CADM4: variants seen among roughly 807,000 people sequenced by gnomAD.
CADM4 encodes the protein TSLC1-like 2.
In CADM4, 13 loss-of-function variants were observed where a neutral mutation model predicts 43.9. The observed-to-expected ratio is 0.30, with a 90% CI of 0.19 to 0.47. The LOEUF (loss-of-function observed/expected upper bound fraction) is 0.47. Ranked by LOEUF, CADM4 falls within the 20% of genes least tolerant of loss-of-function variation. CADM4 has a pLI of 1.00. For synonymous variants in CADM4, 209 were observed against 220.9 expected, an observed-to-expected ratio of 0.95 and a Z score of 0.48; for missense variants, 420 against 527.0, an observed-to-expected ratio of 0.80 and a Z score of 1.99.
At chr19:43,628,234 G>A (rs1172806666) in intron 1 of CADM4, among the ~76,000 whole-genome samples, 1 of 149,202 alleles carries the variant, frequency 6.7e-6, no homozygotes, top group Non-Finnish European at 1.5e-5. Flanking sequence ...GACCATCCTG[G>A]CCAACATGGT....
Position 43,626,739 on chromosome 19 carries a change from G to A in CADM4, c.499+45C>T. ...TCCACATATAAACAACCTCTCCTAA[G>A]TCCCACCTCCTCCCCATCCCTTGTC... On this transcript the variant is annotated intron_variant, in intron 4 of 8. Coordinates refer to ENST00000222374, the MANE Select transcript of CADM4 (RefSeq NM_145296.2). The surrounding 1 kb of genome is among the most constrained non-coding windows in gnomAD (Gnocchi z 5.9). 1.3e-6 allele frequency: 2 copies of A among 1,522,896 alleles called. No individual in the cohort carries two copies. The highest frequency in any genetic ancestry group is 1.8e-6 in the Non-Finnish European group (2 of 1,132,766). 94.3% of individuals were successfully genotyped at this position (1,522,896 alleles called of 1,614,324 possible).
At chr19:43,635,137 G>C (rs1600101734) in intron 1 of CADM4, among the ~76,000 whole-genome samples, 1 of 151,750 alleles carries the variant, frequency 6.6e-6, no homozygotes, top group African/African-American at 2.4e-5. Flanking sequence ...AGACTAAGCA[G>C]GGTGGGGGGA....
chr19:43,627,778 T>C lies in CADM4; in HGVS notation c.77A>G (p.Glu26Gly). ...AAAAGPGAGQ[E>G]VQTENVTVAE... The stretch of plus-strand genomic sequence containing the variant: ...CACTGTCACGTTCTCTGTCTGTACT[T>C]CCTGTCCTGCCCCTGGACGATTAGA... Residue 26 changes from glutamate to glycine, a missense_variant, in exon 2 of 9, where the codon GAA (glutamate) becomes GGA (glycine). By Grantham distance (98) the Glu-to-Gly change is moderately conservative. Transcript: ENST00000222374. This position sits in a 1 kb window ranked among gnomAD's most constrained non-coding sequence, Gnocchi z 4.0. The C allele has an allele frequency of 6.2e-7, 1 of 1,612,818 alleles. No homozygotes were observed.
In CADM4 at chr19:43,627,707, C is replaced by G; in HGVS notation, c.148G>C (p.Asp50His). Residue 50 changes from aspartate (D) to histidine (H), a missense_variant, in exon 2 of 9, where the codon GAT becomes CAT. Asp to His is a moderately conservative substitution (Grantham distance 81). Transcript: ENST00000222374. This position sits in a 1 kb window ranked among gnomAD's most constrained non-coding sequence, Gnocchi z 4.0. Reference protein sequence around the residue: ...AEITCRLHQYDGSIVVIQNPA... With the variant: ...AEITCRLHQYHGSIVVIQNPA... ...TTCTGGATGACAACTATGGACCCAT[C>G]ATACTGGTGCAGACGGCAGGTGATC... 7 of 1,614,158 alleles carry G rather than the reference C, an allele frequency of 4.3e-6. No individual in the cohort carries two copies. The highest frequency in any genetic ancestry group is 5.9e-6 in the Non-Finnish European group (7 of 1,180,014).
chr19:43,633,711 C>T (rs1439249513), intron 1 of CADM4, among the ~76,000 whole-genome samples: 4 of 121,074 alleles, frequency 3.3e-5, no homozygotes, highest in African/African-American at 1.3e-4. Flanking sequence ...GATAAGGTCT[C>T]GCTCTGTCAC....
Position 43,625,090 on chromosome 19 carries a change from G to A in CADM4, c.916C>T (p.Leu306Phe). Residue 306 changes from leucine to phenylalanine, a missense_variant, in exon 7 of 9, where the codon CTT becomes TTT. By Grantham distance (22) the Leu-to-Phe change is conservative. Transcript: ENST00000222374. The surrounding 1 kb of genome is among the most constrained non-coding windows in gnomAD (Gnocchi z 4.5). ...KHGHARALYV[L>F]VVYDPGAVVE... ...AGCCTGCTCTCACCGTAGACCACAA[G>A]TACGTAGAGCGCCCTCGCATGGCCG... The A allele has an allele frequency of 7.2e-7, 1 of 1,389,086 alleles. No individual in the cohort carries two copies. Among genetic ancestry groups the A allele is most frequent in the Non-Finnish European group, 9.6e-7 (1 of 1,039,740 alleles). 86.0% of individuals were successfully genotyped at this position (1,389,086 alleles called of 1,614,324 possible).
chr19:43,639,510 G>A (rs1040043139), intron 1 of CADM4, among the ~76,000 whole-genome samples: 2 of 150,754 alleles, frequency 1.3e-5, no homozygotes, highest in African/African-American at 2.4e-5. Flanking sequence ...TCCAGCCTGC[G>A]CGGGTGGGGG....
intron 1 of CADM4, among the ~76,000 whole-genome samples, chr19:43,634,901 C>T (rs1441158704): frequency 6.6e-6 from 1 of 151,848 alleles, no homozygotes; most frequent in Non-Finnish European, 1.5e-5. Context: ...GGAATTCAGC[C>T]CCCAACCACC....
In CADM4 at chr19:43,625,423, A is replaced by C. The variant is rs1973507969; in HGVS notation, c.756-173T>G. Among the ~76,000 whole-genome samples the C allele has an allele frequency of 6.6e-6, 1 of 152,124 alleles. No individual in the cohort carries two copies. The highest frequency in any genetic ancestry group is 1.9e-4 in the East Asian group (1 of 5,180). On this transcript the variant is annotated intron_variant, in intron 6 of 8. Transcript: ENST00000222374. This position sits in a 1 kb window ranked among gnomAD's most constrained non-coding sequence, Gnocchi z 4.5. ...AACAGTCCTGGGCCTACTTCCACCCATCACCAAGGTCTCAGGAATTCTAGC... is the reference window on the plus strand; with the variant it reads ...AACAGTCCTGGGCCTACTTCCACCCCTCACCAAGGTCTCAGGAATTCTAGC...
rs967823415 is a variant in CADM4, at chr19:43,627,513, G to A, written c.211+131C>T. 12 of 1,248,094 alleles carry A rather than the reference G, an allele frequency of 9.6e-6. No homozygotes were observed. Among genetic ancestry groups the A allele is most frequent in the East Asian group, 5.0e-5 (2 of 39,636 alleles). 77.3% of individuals were successfully genotyped at this position (1,248,094 alleles called of 1,614,324 possible). ...CTCCTGCCTGCAGGACCAGCAGTCC[G>A]GGACCCCAGCCCTTTCTTCTCCGAG... On this transcript the variant is annotated intron_variant, in intron 2 of 8. Transcript: ENST00000222374. The surrounding 1 kb of genome is among the most constrained non-coding windows in gnomAD (Gnocchi z 4.0).
In CADM4 at chr19:43,625,153, C is replaced by A. The variant is rs766613465; in HGVS notation, c.853G>T (p.Asp285Tyr). 5 of 1,614,154 alleles carry A rather than the reference C, an allele frequency of 3.1e-6. No individual in the cohort carries two copies. The highest frequency in any genetic ancestry group is 1.7e-5 in the Admixed American group (1 of 60,024). Reference protein sequence around the residue: ...TLTLPGLVSADNGTYTCEASN... With the variant: ...TLTLPGLVSAYNGTYTCEASN... Reference sequence around the variant, plus strand: ...GCCTCGCAAGTGTAGGTGCCGTTATCCGCGGATACCAGACCCGGCAGCGTG... The same window carrying A: ...GCCTCGCAAGTGTAGGTGCCGTTATACGCGGATACCAGACCCGGCAGCGTG... The change falls in exon 7 of 9, where the codon GAT becomes TAT. Residue 285 changes from aspartate (D) to tyrosine (Y), a missense_variant. Transcript: ENST00000222374. This position sits in a 1 kb window ranked among gnomAD's most constrained non-coding sequence, Gnocchi z 4.5.
chr19:43,623,269 C>G lies in CADM4; in HGVS notation c.*61G>C. On this transcript the variant is annotated 3_prime_UTR_variant, in exon 9 of 9. Transcript: ENST00000222374. This position sits in a 1 kb window ranked among gnomAD's most constrained non-coding sequence, Gnocchi z 4.4. The stretch of plus-strand genomic sequence containing the variant: ...GGTAAATGTCTTTGCTGGTTCCTTG[C>G]AGCTGGCAGTGGGGGGGACCCCAGC... 8.3e-7 allele frequency: 1 copy of G among 1,205,654 alleles called. No individual in the cohort carries two copies. The highest frequency in any genetic ancestry group is 1.7e-5 in the Admixed American group (1 of 58,922). 74.7% of individuals were successfully genotyped at this position (1,205,654 alleles called of 1,614,324 possible). A position where few individuals can be genotyped will look rare whatever the true frequency, so the allele number is the denominator to read the frequency against.
upstream of CADM4, chr19:43,639,852 C>T: frequency 1.0e-6 from 1 of 977,506 alleles, no homozygotes; most frequent in South Asian, 4.6e-5. Context: ...GCCCGCGCCG[C>T]CCGCCCCGCC....
chr19:43,628,544 G>A (rs1361550203), intron 1 of CADM4, among the ~76,000 whole-genome samples: 6 of 152,182 alleles, frequency 3.9e-5, no homozygotes, highest in African/African-American at 7.2e-5. Flanking sequence ...GTTGTAGCCC[G>A]TTTGCAAAGA....
In CADM4 at chr19:43,627,467, G is replaced by C; in HGVS notation, c.212-149C>G. The C allele has an allele frequency of 8.2e-7, 1 of 1,219,036 alleles. No individual in the cohort carries two copies. The highest frequency in any genetic ancestry group is 1.1e-6 in the Non-Finnish European group (1 of 894,068). 75.5% of individuals were successfully genotyped at this position (1,219,036 alleles called of 1,614,324 possible). A position where few individuals can be genotyped will look rare whatever the true frequency, so the allele number is the denominator to read the frequency against. ...GGTGTCCAACTATTTACTCCCTTGA[G>C]GACCCAGCATTATTCAAGTCCTCCT... is the stretch of plus-strand genomic sequence containing the variant. On this transcript the variant is annotated intron_variant, in intron 2 of 8. Coordinates refer to ENST00000222374, the MANE Select transcript of CADM4 (RefSeq NM_145296.2). This position sits in a 1 kb window ranked among gnomAD's most constrained non-coding sequence, Gnocchi z 4.0.
intron 1 of CADM4, among the ~76,000 whole-genome samples, chr19:43,638,374 G>A (rs1474539476): frequency 6.6e-6 from 1 of 152,236 alleles, no homozygotes; most frequent in Non-Finnish European, 1.5e-5. Flanking sequence ...GATGGCAAAT[G>A]GCAAGAGCCA....
At chr19:43,639,335 C>T (rs1228411912) in intron 1 of CADM4, among the ~76,000 whole-genome samples, 1 of 145,728 alleles carries the variant, frequency 6.9e-6, no homozygotes, top group Non-Finnish European at 1.5e-5. Context: ...GACTTCGAGA[C>T]TGAGGGATAG....
upstream of CADM4, chr19:43,639,859 C>T: frequency 1.0e-6 from 1 of 975,370 alleles, no homozygotes; most frequent in Middle Eastern, 5.3e-4. Flanking sequence ...CCGCCCGCCC[C>T]GCCCCCCGCG....
rs1371459361 is a variant in CADM4, at chr19:43,626,116, T to A, written c.664+8A>T. On this transcript the variant is annotated splice_region_variant and intron_variant, in intron 5 of 8. Coordinates refer to ENST00000222374, the MANE Select transcript of CADM4 (RefSeq NM_145296.2). The surrounding 1 kb of genome is among the most constrained non-coding windows in gnomAD (Gnocchi z 5.9). ...GATCCCTTGGGTCCTGGCCCGCCGG[T>A]CACTTACACTGCACATCCAGCACGT... is the stretch of plus-strand genomic sequence containing the variant. 6.2e-7 allele frequency: 1 copy of A among 1,613,484 alleles called. No homozygotes were observed. Among genetic ancestry groups the A allele is most frequent in the East Asian group, 2.2e-5 (1 of 44,850 alleles).
Sources: gnomAD v4.1 joint callset for allele counts (sites outside exome capture counted in the v4.1 genomes callset) on GRCh38, gnomAD v4.1.1 for gene constraint, Gnocchi (gnomAD v3.1) non-coding constraint, MANE v1.5 for transcripts, NCBI Gene and HGNC (gene_info 2026-07-23, HGNC 2026-07-21) for gene names.